The following CMTM4 variants were observed in gnomAD, a reference collection of about 807,000 sequenced individuals.
CMTM4 encodes CKLF like MARVEL transmembrane domain containing 4.
CMTM4 carries 8 observed loss-of-function variants against 19.0 expected under a neutral mutation model. The ratio of observed to expected loss-of-function variants is 0.42; its 90% CI spans 0.25 to 0.76. The LOEUF (loss-of-function observed/expected upper bound fraction) is 0.76, where lower values mean the gene tolerates loss of function less well. Among genes scored for constraint, CMTM4 ranks in the 30% least tolerant of loss-of-function variants. CMTM4 has a pLI of 0.27. For synonymous variants in CMTM4, 106 were observed against 121.1 expected (o/e 0.88, Z 0.82); for missense variants, 228 against 290.2 (o/e 0.79, Z 1.56).
At chr16:66,598,965 T>A in the CMTM4 span, among the ~76,000 whole-genome samples, 1 of 151,618 alleles carries the variant, frequency 6.6e-6, no homozygotes, top group African/African-American at 2.4e-5. Context: ...TGAGACCCCA[T>A]CTCTAAATTA....
intron 1 of CMTM4, among the ~76,000 whole-genome samples, chr16:66,679,236 GA>G (rs1360490039): frequency 1.3e-5 from 2 of 152,072 alleles, no homozygotes; most frequent in Non-Finnish European, 2.9e-5. Context: ...CAAACACTTT[GA>G]AGTCTGCTGG....
rs2015539831 is a variant in CMTM4 at position 66,617,097 on chromosome 16, G to A, written c.*4961C>T. On this transcript the variant is annotated 3_prime_UTR_variant, in exon 4 of 4. Coordinates refer to ENST00000394106, the MANE Select transcript of CMTM4 (RefSeq NM_181521.3). The stretch of plus-strand genomic sequence containing the variant: ...TTAAAAGTTTCAATAGCTCCCTGGG[G>A]GTCCAAGCCAAAGGCTCCCTGGCCT... The A allele has an allele frequency of 1.9e-6, 1 of 536,338 alleles. No homozygotes were observed. Among genetic ancestry groups the A allele is most frequent in the East Asian group, 3.1e-5 (1 of 32,236 alleles). 33.2% of individuals were successfully genotyped at this position (536,338 alleles called of 1,614,324 possible). A position where few individuals can be genotyped will look rare whatever the true frequency, so the allele number is the denominator to read the frequency against.
chr16:66,601,172 C>T, the CMTM4 span, among the ~76,000 whole-genome samples: 2 of 151,334 alleles, frequency 1.3e-5, no homozygotes, highest in Non-Finnish European at 2.9e-5. Context: ...GTTACAGGAT[C>T]TTTGGGGTGT....
Position 66,621,242 on chromosome 16 carries a change from G to A in CMTM4, c.*816C>T. On this transcript the variant is annotated 3_prime_UTR_variant, in exon 4 of 4. Coordinates refer to ENST00000394106, the MANE Select transcript of CMTM4 (RefSeq NM_181521.3). ...TCATGAAGCCAGCAAATGGGCAAGTGCTTTGGCTGGTGGAGTAGGCTTGTT... is the reference window on the plus strand; with the variant it reads ...TCATGAAGCCAGCAAATGGGCAAGTACTTTGGCTGGTGGAGTAGGCTTGTT... 1.0e-6 allele frequency: 1 copy of A among 985,562 alleles called. No homozygotes were observed. The highest frequency in any genetic ancestry group is 1.2e-6 in the Non-Finnish European group (1 of 829,936). The allele number at this position is 985,562 out of a possible 1,614,324, so 61.1% of individuals were successfully genotyped here. A position where few individuals can be genotyped will look rare whatever the true frequency, so the allele number is the denominator to read the frequency against.
Position 66,617,117 on chromosome 16 carries a change from T to C in CMTM4, c.*4941A>G. ...CTGGGGGTCCAAGCCAAAGGCTCCC[T>C]GGCCTTTGTGTATTATGCATCCCAA... is the stretch of plus-strand genomic sequence containing the variant. On this transcript the variant is annotated 3_prime_UTR_variant, in exon 4 of 4. Coordinates refer to ENST00000394106, the MANE Select transcript of CMTM4 (RefSeq NM_181521.3). The C allele has an allele frequency of 6.3e-6, 4 of 635,294 alleles. No homozygotes were observed. The highest frequency in any genetic ancestry group is 6.6e-4 in the Middle Eastern group (2 of 3,018). The allele number at this position is 635,294 out of a possible 1,614,324, so 39.4% of individuals were successfully genotyped here.
intron 1 of CMTM4, among the ~76,000 whole-genome samples, chr16:66,638,983 CCA>C (rs2016051054): frequency 6.6e-6 from 1 of 150,750 alleles, no homozygotes; most frequent in South Asian, 2.1e-4. Flanking sequence ...TTGAGCCATT[CCA>C]CATTGTATAC....
chr16:66,643,998 C>T (rs2016144448), intron 1 of CMTM4, among the ~76,000 whole-genome samples: 1 of 152,154 alleles, frequency 6.6e-6, no homozygotes, highest in Non-Finnish European at 1.5e-5. Flanking sequence ...AGGTGATCCA[C>T]CCACCTTGGC....
At chr16:66,624,117 G>T (rs970841454) in intron 2 of CMTM4, among the ~76,000 whole-genome samples, 3 of 152,182 alleles carry the variant, frequency 2.0e-5, no homozygotes, top group Admixed American at 2.0e-4. Context: ...CTTGACCAGG[G>T]TCCAAACCAC....
chr16:66,684,428 C>T (rs1211606421), intron 1 of CMTM4, among the ~76,000 whole-genome samples: 1 of 152,106 alleles, frequency 6.6e-6, no homozygotes, highest in Non-Finnish European at 1.5e-5. Context: ...CTGCCTGCCT[C>T]AGCCTCCCAA....
At chr16:66,641,313 T>A (rs763672765) in intron 1 of CMTM4, among the ~76,000 whole-genome samples, 1 of 152,208 alleles carries the variant, frequency 6.6e-6, no homozygotes, top group Admixed American at 6.5e-5. Context: ...GGATTACTGG[T>A]CTCAGCCACT....
chr16:66,674,125 C>T (rs189116286), intron 1 of CMTM4, among the ~76,000 whole-genome samples: 45 of 152,352 alleles, frequency 3.0e-4, no homozygotes, highest in African/African-American at 1.1e-3. Context: ...AGTTCTCTTT[C>T]AGATGCAGTT....
intron 1 of CMTM4, among the ~76,000 whole-genome samples, chr16:66,670,313 G>A (rs1005649469): frequency 6.6e-6 from 1 of 151,282 alleles, no homozygotes; most frequent in African/African-American, 2.4e-5. Flanking sequence ...AATTAGCCAG[G>A]CTTGGTGGCA....
At chr16:66,687,026 T>C (rs2017046105) in intron 1 of CMTM4, among the ~76,000 whole-genome samples, 1 of 152,168 alleles carries the variant, frequency 6.6e-6, no homozygotes, top group Non-Finnish European at 1.5e-5. Flanking sequence ...TTTCTAATTT[T>C]CTTTAATGTT....
At chr16:66,687,579 C>T (rs944263392) in intron 1 of CMTM4, among the ~76,000 whole-genome samples, 2 of 152,130 alleles carry the variant, frequency 1.3e-5, no homozygotes, top group South Asian at 2.1e-4. Flanking sequence ...CCCTGGCCCT[C>T]GGCCACCCAG....
At chr16:66,674,874 T>C (rs970548631) in intron 1 of CMTM4, among the ~76,000 whole-genome samples, 2 of 150,794 alleles carry the variant, frequency 1.3e-5, no homozygotes, top group African/African-American at 4.9e-5. Flanking sequence ...CCTGAGTAGC[T>C]GGGATTACAG....
rs199667329 is a variant in CMTM4 at position 66,623,508 on chromosome 16, G to A, written c.364-6C>T. On this transcript the variant is annotated splice_polypyrimidine_tract_variant and splice_region_variant and intron_variant, in intron 2 of 3. Transcript: ENST00000394106. ...AGTCCAGTGTTGACCAAATCCTAAA[G>A]GGAGAGACAAAATAAACCAAGTGAA... is the stretch of plus-strand genomic sequence containing the variant. The A allele has an allele frequency of 5.2e-5, 83 of 1,585,532 alleles. No homozygotes were observed. Among genetic ancestry groups the A allele is most frequent in the Middle Eastern group, 1.7e-4 (1 of 5,968 alleles).
chr16:66,617,886 G>A lies in CMTM4; in HGVS notation c.*4172C>T. ...CCACTCTTGCCCTCAAGCTGACTGT[G>A]GAACGCGAGACAGCTTTCAAAGACA... On this transcript the variant is annotated 3_prime_UTR_variant, in exon 4 of 4. Transcript: ENST00000394106. The A allele has an allele frequency of 1.0e-6, 1 of 988,416 alleles. No homozygotes were observed. The highest frequency in any genetic ancestry group is 1.2e-6 in the Non-Finnish European group (1 of 832,014). 61.2% of individuals were successfully genotyped at this position (988,416 alleles called of 1,614,324 possible).
At chr16:66,695,480 G>C (rs994239451) in intron 1 of CMTM4, among the ~76,000 whole-genome samples, 4 of 152,214 alleles carry the variant, frequency 2.6e-5, no homozygotes, top group East Asian at 1.9e-4. Flanking sequence ...TTCTGAATTA[G>C]AGCATGCCCA....
chr16:66,651,602 A>C (rs531906112), intron 1 of CMTM4, among the ~76,000 whole-genome samples: 33 of 152,312 alleles, frequency 2.2e-4, no homozygotes, highest in Admixed American at 2.1e-3. Context: ...TGACTTATCC[A>C]GAGTCTTCCC....
Sources: allele counts gnomAD v4.1 joint callset (sites outside exome capture counted in the v4.1 genomes callset), GRCh38; gene constraint gnomAD v4.1.1; transcripts MANE v1.5; gene names NCBI Gene and HGNC (gene_info 2026-07-23, HGNC 2026-07-21).